B9D2: variants seen among roughly 807,000 people sequenced by gnomAD.
B9D2 encodes B9 domain containing 2, also known as B9 domain-containing protein 2.
In B9D2, 21 loss-of-function variants were observed where a neutral mutation model predicts 19.2. The observed-to-expected ratio is 1.09, with a 90% CI of 0.78 to 1.58. B9D2 has a LOEUF of 1.58. B9D2 is among the 40% of genes most tolerant of loss of function. The pLI is 0.00. For missense variants in B9D2, 221 were observed against 244.3 expected (o/e 0.90, Z 0.64); for synonymous variants, 91 against 100.6 (o/e 0.90, Z 0.57).
rs940568177 is a variant in B9D2, at chr19:41,362,400, C to G, written c.88+1032G>C. 2.2e-5 allele frequency among the ~76,000 whole-genome samples: 3 copies of G among 136,806 alleles called. No homozygotes were observed. In the East Asian group the frequency reaches 6.3e-4, roughly 29 times the overall value. The allele number at this position is 136,806 out of a possible 152,430, so 89.8% of individuals were successfully genotyped here. On this transcript the variant is annotated intron_variant, in intron 2 of 3. Transcript: ENST00000243578. ...AAAAAAAAAAAAAAAAAAAAAGGGA[C>G]TAGGACTCAGGCCTGAAGACATGAT...
intron 1 of B9D2, 144 bp downstream of exon 1, chr19:41,363,814 C>T: frequency 3.7e-6 from 2 of 540,318 alleles, no homozygotes; most frequent in East Asian, 3.3e-5. Flanking sequence ...GCTATGGCTC[C>T]GCCCACGAGC....
At chr19:41,360,592 G>A (rs761314154) in intron 2 of B9D2, among the ~76,000 whole-genome samples, 3 of 151,890 alleles carry the variant, frequency 2.0e-5, no homozygotes, top group East Asian at 1.9e-4. Context: ...TGCAACCTCC[G>A]CCTCCTGGGT....
chr19:41,362,728 T>C (rs1424977056), intron 2 of B9D2, among the ~76,000 whole-genome samples: 1 of 152,204 alleles, frequency 6.6e-6, no homozygotes, highest in East Asian at 1.9e-4. Context: ...ATAACTGGTT[T>C]TGAACCCAGG....
chr19:41,355,729 A>G (rs975613590), intron 3 of B9D2, among the ~76,000 whole-genome samples: 2 of 152,236 alleles, frequency 1.3e-5, no homozygotes, highest in Non-Finnish European at 2.9e-5. Context: ...CTGATATCCT[A>G]GACAACGAAT....
intron 2 of B9D2, among the ~76,000 whole-genome samples, chr19:41,358,768 G>A (rs963411417): frequency 5.9e-5 from 9 of 152,092 alleles, no homozygotes; most frequent in African/African-American, 2.2e-4. Flanking sequence ...CACTTTGGGA[G>A]GCCAAGGCAG....
chr19:41,363,495 G>T lies in B9D2; in HGVS notation c.25C>A (p.Gln9Lys). ...GAGAAACCGCTGGCCCCTATGATCTGCCCGATCACGTGCACCTCAGCCATG... is the reference window on the plus strand; with the variant it reads ...GAGAAACCGCTGGCCCCTATGATCTTCCCGATCACGTGCACCTCAGCCATG... MAEVHVIGQIIGASGFSES... is the reference protein window; with the variant it reads MAEVHVIGKIIGASGFSES... Residue 9 changes from glutamine (Q) to lysine (K), a missense_variant, in exon 2 of 4, where the codon CAG becomes AAG. Coordinates refer to ENST00000243578, the MANE Select transcript of B9D2 (RefSeq NM_030578.4). 6 of 1,614,086 alleles carry T rather than the reference G, an allele frequency of 3.7e-6. No individual in the cohort carries two copies. The highest frequency in any genetic ancestry group is 5.1e-6 in the Non-Finnish European group (6 of 1,179,996).
chr19:41,356,533 A>G (rs1320329401), intron 3 of B9D2, among the ~76,000 whole-genome samples: 1 of 151,792 alleles, frequency 6.6e-6, no homozygotes, highest in African/African-American at 2.4e-5. Context: ...AGCTTAAAAG[A>G]CAGAAAGATT....
intron 2 of B9D2, among the ~76,000 whole-genome samples, chr19:41,361,487 G>A (rs1455778120): frequency 6.6e-6 from 1 of 152,024 alleles, no homozygotes; most frequent in Non-Finnish European, 1.5e-5. Context: ...CTTACCTGTA[G>A]AATCAAAAAG....
At chr19:41,358,454 G>A (rs77751159) in intron 2 of B9D2, among the ~76,000 whole-genome samples, 67 of 151,862 alleles carry the variant, frequency 4.4e-4, no homozygotes, top group African/African-American at 1.2e-3. Context: ...TGCCACTCAC[G>A]TCTCTCTCTC....
Position 41,354,632 on chromosome 19 carries a change from C to T in B9D2, c.*68G>A, listed in dbSNP as rs886054455. On this transcript the variant is annotated 3_prime_UTR_variant, in exon 4 of 4. Coordinates refer to ENST00000243578, the MANE Select transcript of B9D2 (RefSeq NM_030578.4). ...TCTCTAGAGTCTGTGCTCTTGACCA[C>T]TGTGCCATCCTCCCCCATCACTGGG... 3 of 1,591,006 alleles carry T rather than the reference C, an allele frequency of 1.9e-6. No homozygotes were observed. The highest frequency in any genetic ancestry group is 1.3e-5 in the African/African-American group (1 of 74,514).
intron 2 of B9D2, among the ~76,000 whole-genome samples, chr19:41,360,157 A>G (rs2038380601): frequency 6.6e-6 from 1 of 151,470 alleles, no homozygotes; most frequent in South Asian, 2.1e-4. Flanking sequence ...ACTGTCTGGA[A>G]TCACGGTGCT....
chr19:41,356,892 C>G (rs2038322697), intron 3 of B9D2, among the ~76,000 whole-genome samples: 1 of 151,844 alleles, frequency 6.6e-6, no homozygotes, highest in South Asian at 2.1e-4. Flanking sequence ...ATTACCTGCT[C>G]TGGCTCCCAA....
chr19:41,362,035 G>A (rs1279837896), intron 2 of B9D2, among the ~76,000 whole-genome samples: 4 of 93,406 alleles, frequency 4.3e-5, no homozygotes, highest in Admixed American at 1.1e-4. Context: ...AGCCGAGATC[G>A]TGCCACTGCA....
rs886054456 is a variant in B9D2 at position 41,354,759 on chromosome 19, C to T, written c.469G>A (p.Val157Met). ...YRLHTAAGGT[V>M]HLEIGLLLRN... ...AGCAGCAGGCCGATCTCCAGGTGCA[C>T]GGTGCCACCAGCAGCTGTGTGCAGG... The change falls in exon 4 of 4, where the codon GTG becomes ATG. Residue 157 changes from valine to methionine, a missense_variant. Physicochemically the swap from Val to Met is conservative, Grantham distance 21. Transcript: ENST00000243578. 3.7e-6 allele frequency: 6 copies of T among 1,613,976 alleles called. No homozygotes were observed. In the Admixed American group the frequency reaches 6.7e-5, roughly 18 times the overall value.
intron 1 of B9D2, 61 bp from the exon 2 acceptor site, chr19:41,363,584 G>A (rs897839786): frequency 3.8e-5 from 55 of 1,461,228 alleles, no homozygotes; most frequent in Non-Finnish European, 5.0e-5. Flanking sequence ...CCATTTGACG[G>A]GGGGGAAACT....
In B9D2 at chr19:41,362,371, C is replaced by CAAAAAAAA. The variant is rs777325237; in HGVS notation, c.88+1053_88+1060dup. Among the ~76,000 whole-genome samples the CAAAAAAAA allele has an allele frequency of 5.1e-5, 3 of 58,366 alleles. 1 individual carries two copies. Among genetic ancestry groups the CAAAAAAAA allele is most frequent in the African/African-American group, 2.2e-4 (3 of 13,684 alleles). The allele number at this position is 58,366 out of a possible 152,430, so 38.3% of individuals were successfully genotyped here. A position where few individuals can be genotyped will look rare whatever the true frequency, so the allele number is the denominator to read the frequency against. On this transcript the variant is annotated intron_variant, in intron 2 of 3. Transcript: ENST00000243578. ...ACAGCCTGGGAAACAGAACGAGTCT[C>CAAAAAAAA]AAAAAAAAAAAAAAAAAAAAAAAAG...
intron 2 of B9D2, among the ~76,000 whole-genome samples, chr19:41,358,749 T>C (rs1443515703): frequency 6.6e-6 from 1 of 152,140 alleles, no homozygotes; most frequent in Non-Finnish European, 1.5e-5. Flanking sequence ...CTCACACCTG[T>C]AATCTCAGCA....
chr19:41,361,190 TC>T lies in B9D2; in HGVS notation c.88+2241del, dbSNP rs1380581184. The T allele has an allele frequency of 3.9e-5, 6 of 152,176 alleles. No homozygotes were observed. The South Asian group carries it at 1.0e-3, about 26-fold the overall frequency. 9.4% of individuals were successfully genotyped at this position (152,176 alleles called of 1,614,324 possible). A position where few individuals can be genotyped will look rare whatever the true frequency, so the allele number is the denominator to read the frequency against. On this transcript the variant is annotated intron_variant, in intron 2 of 3. Transcript: ENST00000243578. Reference sequence around the variant, plus strand: ...CTCAGTATTCTTGGCTGGATCAACATCCCCAGCAACTCCCTGAAATAATAAA... The same window carrying T: ...CTCAGTATTCTTGGCTGGATCAACATCCCAGCAACTCCCTGAAATAATAAA...
At position 41,363,975 on chromosome 19, in the gene B9D2, T is replaced by G. The variant is rs983877170; in HGVS notation, c.-22A>C. Reference sequence around the variant, plus strand: ...ATTCCTACCTTAGCGCACTTAACGGTTAGGAGAGGAGAAAGCGGCAACCGG... The same window carrying G: ...ATTCCTACCTTAGCGCACTTAACGGGTAGGAGAGGAGAAAGCGGCAACCGG... On this transcript the variant is annotated 5_prime_UTR_variant, in exon 1 of 4. An upstream open reading frame in the 5' UTR loses its in-frame stop. Coordinates refer to ENST00000243578, the MANE Select transcript of B9D2 (RefSeq NM_030578.4). 8 of 256,102 alleles carry G rather than the reference T, an allele frequency of 3.1e-5. No homozygotes were observed. The highest frequency in any genetic ancestry group is 1.6e-4 in the African/African-American group (7 of 44,418). 15.9% of individuals were successfully genotyped at this position (256,102 alleles called of 1,614,324 possible). A position where few individuals can be genotyped will look rare whatever the true frequency, so the allele number is the denominator to read the frequency against.
Sources: allele counts gnomAD v4.1 joint callset (sites outside exome capture counted in the v4.1 genomes callset), GRCh38; gene constraint gnomAD v4.1.1; transcripts MANE v1.5; gene names NCBI Gene and HGNC (gene_info 2026-07-23, HGNC 2026-07-21).